Variants in ALK observed in about 807,000 individuals in gnomAD.
ALK encodes the protein ALK tyrosine kinase receptor.
In ALK, 74 loss-of-function variants were observed where a neutral mutation model predicts 163.1. The observed-to-expected ratio is 0.45, with a 90% CI of 0.38 to 0.55. The LOEUF (loss-of-function observed/expected upper bound fraction) is 0.55. Ranked by LOEUF, ALK falls within the 20% of genes least tolerant of loss-of-function variation. The pLI is 0.00. For synonymous variants in ALK, 960 were observed against 843.2 expected (o/e 1.14, Z -2.40); for missense variants, 2,063 against 2,105.3 (o/e 0.98, Z 0.39).
intron 1 of ALK, among the ~76,000 whole-genome samples, chr2:29,815,027 G>A (rs543280342): frequency 1.4e-4 from 21 of 148,040 alleles, no homozygotes; most frequent in African/African-American, 5.0e-4. Flanking sequence ...CGGCCTCAGT[G>A]TAACATCTAG....
intron 3 of ALK, among the ~76,000 whole-genome samples, chr2:29,620,924 G>T (rs1676017462): frequency 6.6e-6 from 1 of 152,140 alleles, no homozygotes; most frequent in Non-Finnish European, 1.5e-5. Flanking sequence ...CTATCATCTG[G>T]TCAAGTAAAA....
At chr2:29,513,346 A>T (rs1005919000) in intron 4 of ALK, among the ~76,000 whole-genome samples, 2 of 145,108 alleles carry the variant, frequency 1.4e-5, no homozygotes, top group African/African-American at 2.6e-5. Context: ...ATAATGCCGC[A>T]TATCTACAAC....
intron 1 of ALK, among the ~76,000 whole-genome samples, chr2:29,820,157 G>A (rs1665010160): frequency 6.6e-6 from 1 of 152,192 alleles, no homozygotes; most frequent in Admixed American, 6.5e-5. Context: ...TGACTTACAG[G>A]ATTAGGTTAC....
chr2:29,703,801 A>G (rs981249465), intron 2 of ALK, among the ~76,000 whole-genome samples: 2 of 152,164 alleles, frequency 1.3e-5, no homozygotes, highest in Non-Finnish European at 2.9e-5. Flanking sequence ...GAGGTCAACC[A>G]TTTCTTCACT....
At chr2:29,709,678 C>A (rs900032941) in intron 2 of ALK, among the ~76,000 whole-genome samples, 1 of 152,130 alleles carries the variant, frequency 6.6e-6, no homozygotes, top group African/African-American at 2.4e-5. Flanking sequence ...GTGAGGTCCA[C>A]CACCTCCCAG....
At chr2:29,452,497 C>T (rs1482801668) in intron 4 of ALK, among the ~76,000 whole-genome samples, 1 of 152,082 alleles carries the variant, frequency 6.6e-6, no homozygotes, top group African/African-American at 2.4e-5. Flanking sequence ...TATTTCGTTA[C>T]TTCTTCATTG....
chr2:29,752,621 T>A (rs1317582450), intron 1 of ALK, among the ~76,000 whole-genome samples: 1 of 152,090 alleles, frequency 6.6e-6, no homozygotes, highest in Non-Finnish European at 1.5e-5. Context: ...GTGCTGGGAT[T>A]ACAGGCGTGA....
intron 2 of ALK, among the ~76,000 whole-genome samples, chr2:29,716,556 G>A (rs561282248): frequency 2.6e-5 from 4 of 152,136 alleles, no homozygotes; most frequent in Non-Finnish European, 5.9e-5. Flanking sequence ...GCCTCCTGAG[G>A]GCTGCTAGGA....
intron 1 of ALK, among the ~76,000 whole-genome samples, chr2:29,832,865 A>G (rs968023157): frequency 6.6e-6 from 1 of 152,216 alleles, no homozygotes; most frequent in African/African-American, 2.4e-5. Context: ...AGAGCATGTA[A>G]AGAAACTGCA....
At chr2:29,556,406 T>C (rs529508213) in intron 3 of ALK, among the ~76,000 whole-genome samples, 1 of 152,328 alleles carries the variant, frequency 6.6e-6, no homozygotes, top group South Asian at 2.1e-4. Context: ...ACTCCTGTTA[T>C]TATTGTCATC....
At chr2:29,755,676 C>T (rs530393059) in intron 1 of ALK, among the ~76,000 whole-genome samples, 15 of 152,054 alleles carry the variant, frequency 9.9e-5, no homozygotes, top group African/African-American at 3.4e-4. Flanking sequence ...TTGTTTTTTA[C>T]GAGGCACATA....
Position 29,872,433 on chromosome 2 carries a change from C to T in ALK, c.667+47560G>A, listed in dbSNP as rs192569769. Among the ~76,000 whole-genome samples the T allele has an allele frequency of 2.2e-3, 340 of 152,264 alleles. 2 individuals are homozygous for T. The highest frequency in any genetic ancestry group is 7.8e-3 in the African/African-American group (326 of 41,550). ...CAGAGTAATTGAAAATATTGTAAGTCAAAAGTGCATTTAATACAACATCAT... is the reference window on the plus strand; with the variant it reads ...CAGAGTAATTGAAAATATTGTAAGTTAAAAGTGCATTTAATACAACATCAT... On this transcript the variant is annotated intron_variant, in intron 1 of 28. Transcript: ENST00000389048.
intron 4 of ALK, among the ~76,000 whole-genome samples, chr2:29,477,086 G>C (rs898648880): frequency 1.3e-5 from 2 of 152,178 alleles, no homozygotes; most frequent in African/African-American, 2.4e-5. Context: ...GGTGTGCAAA[G>C]GAAGAAGTGA....
At chr2:29,251,307 G>A (rs767160356) in intron 11 of ALK, 40 bp from the exon 12 acceptor site, 21 of 1,598,100 alleles carry the variant, frequency 1.3e-5, no homozygotes, top group Non-Finnish European at 1.8e-5. Context: ...ATGTGGCCAG[G>A]CCCTCCCTCC....
chr2:29,469,844 T>C (rs1036662198), intron 4 of ALK, among the ~76,000 whole-genome samples: 1 of 152,148 alleles, frequency 6.6e-6, no homozygotes, highest in Admixed American at 6.5e-5. Flanking sequence ...CCTTTAGAGC[T>C]TCTGGAATTC....
At chr2:29,620,497 G>T (rs1487180044) in intron 3 of ALK, among the ~76,000 whole-genome samples, 3 of 150,182 alleles carry the variant, frequency 2.0e-5, no homozygotes, top group Non-Finnish European at 4.4e-5. Flanking sequence ...TTTTTTTTGC[G>T]GGGTGGGGGG....
chr2:29,662,146 A>G (rs1677367582), intron 3 of ALK, among the ~76,000 whole-genome samples: 1 of 152,110 alleles, frequency 6.6e-6, no homozygotes, highest in South Asian at 2.1e-4. Flanking sequence ...TCCTGAGCTC[A>G]GGCAATCTGC....
At chr2:29,491,877 T>C (rs888421122) in intron 4 of ALK, among the ~76,000 whole-genome samples, 3 of 152,160 alleles carry the variant, frequency 2.0e-5, no homozygotes, top group African/African-American at 7.2e-5. Flanking sequence ...GCAAAACAAA[T>C]TTTTCTCAGG....
At chr2:29,488,087 T>G (rs1671821067) in intron 4 of ALK, among the ~76,000 whole-genome samples, 1 of 152,206 alleles carries the variant, frequency 6.6e-6, no homozygotes, top group Admixed American at 6.5e-5. Flanking sequence ...CTTATCTGAC[T>G]TAACTTCATA....
Sources: allele counts gnomAD v4.1 joint callset (sites outside exome capture counted in the v4.1 genomes callset), GRCh38; gene constraint gnomAD v4.1.1; transcripts MANE v1.5; gene names NCBI Gene and HGNC (gene_info 2026-07-23, HGNC 2026-07-21).